ELFN2: variants seen among roughly 807,000 people sequenced by gnomAD.
ELFN2 encodes protein phosphatase 1 regulatory subunit 29.
In ELFN2, 17 loss-of-function variants were observed where a neutral mutation model predicts 45.5. The observed-to-expected ratio is 0.37, with a 90% CI of 0.26 to 0.56. The LOEUF (loss-of-function observed/expected upper bound fraction) is 0.56. ELFN2 is among the 20% of genes least tolerant of loss of function. ELFN2 has a pLI of 0.77. For missense variants in ELFN2, 922 were observed against 1,183.2 expected, an observed-to-expected ratio of 0.78 and a Z score of 3.24; for synonymous variants, 550 against 551.5, an observed-to-expected ratio of 1.00 and a Z score of 0.04.
intron 1 of ELFN2, among the ~76,000 whole-genome samples, chr22:37,419,412 G>A (rs1181290549): frequency 1.1e-4 from 16 of 151,930 alleles, no homozygotes; most frequent in Non-Finnish European, 2.9e-5. Context: ...TCCCACCGCC[G>A]CAGAGAAACG....
intron 2 of ELFN2, among the ~76,000 whole-genome samples, chr22:37,399,116 C>T (rs1393190919): frequency 6.6e-6 from 1 of 152,220 alleles, no homozygotes. Flanking sequence ...GGGATGGGCA[C>T]GTGAGCTTCT....
intron 1 of ELFN2, among the ~76,000 whole-genome samples, chr22:37,360,184 G>A (rs1931049997): frequency 1.3e-5 from 2 of 152,138 alleles, no homozygotes; most frequent in South Asian, 4.1e-4. Flanking sequence ...ACTCCCTGGT[G>A]GTCAGTCCAG....
At chr22:37,400,286 C>A (rs1932330718) in intron 2 of ELFN2, among the ~76,000 whole-genome samples, 1 of 152,118 alleles carries the variant, frequency 6.6e-6, no homozygotes, top group African/African-American at 2.4e-5. Context: ...GGCCGACTCC[C>A]ACTGTGGACA....
At chr22:37,345,468 T>C (rs1266376030) in intron 1 of ELFN2, among the ~76,000 whole-genome samples, 1 of 151,938 alleles carries the variant, frequency 6.6e-6, no homozygotes, top group Non-Finnish European at 1.5e-5. Flanking sequence ...TGGCACACAG[T>C]AGGTGCTCCA....
intron 1 of ELFN2, among the ~76,000 whole-genome samples, chr22:37,426,148 T>A (rs1430951441): frequency 1.3e-5 from 2 of 151,982 alleles, no homozygotes; most frequent in Non-Finnish European, 2.9e-5. Context: ...CCGCAGCTGC[T>A]GGGTGGGAGG....
At position 37,374,392 on chromosome 22, in the gene ELFN2, G is replaced by T; in HGVS notation, c.1143C>A (p.Asp381Glu). 6.2e-7 allele frequency: 1 copy of T among 1,613,946 alleles called. No homozygotes were observed. The highest frequency in any genetic ancestry group is 8.5e-7 in the Non-Finnish European group (1 of 1,179,898). ...TGGGCGCCAAGTCTCCGGGGACGGGGTCCCGCGTGGTGAAGGTCAGGCAGG... is the reference window on the plus strand; with the variant it reads ...TGGGCGCCAAGTCTCCGGGGACGGGTTCCCGCGTGGTGAAGGTCAGGCAGG... The part of the protein sequence containing the change: ...NHTCLTFTTR[D>E]PVPGDLAPST... The change falls in exon 3 of 3, where the codon GAC becomes GAA. Residue 381 changes from aspartate to glutamate, a missense_variant. This residue lies in a region of ELFN2 where 564 missense variants were observed against 642.8 expected (regional missense o/e 0.88). Coordinates refer to ENST00000402918, the MANE Select transcript of ELFN2 (RefSeq NM_052906.5).
rs147561388 is a variant in ELFN2, at chr22:37,362,674, G to A, written n.149-19971C>T. ...AGCTCCTTCCAGCTCTTCTGGGTAT[G>A]CTGTGCTTGCTTGGGCCAATTACTG... is the stretch of plus-strand genomic sequence containing the variant. On this transcript the variant is annotated intron_variant and non_coding_transcript_variant, in intron 1 of 2. Coordinates refer to ENST00000452946, the Ensembl canonical transcript of ELFN2. Among the ~76,000 whole-genome samples, 29 of 152,346 alleles carry A rather than the reference G, an allele frequency of 1.9e-4. No homozygotes were observed. In the East Asian group the frequency reaches 5.2e-3, roughly 27 times the overall value.
At chr22:37,426,230 C>G (rs1932847756) in intron 1 of ELFN2, among the ~76,000 whole-genome samples, 1 of 152,234 alleles carries the variant, frequency 6.6e-6, no homozygotes, top group Non-Finnish European at 1.5e-5. Context: ...TCCTCCCCAG[C>G]TGAGTGCACG....
At chr22:37,378,473 G>A (rs899860963) in intron 2 of ELFN2, among the ~76,000 whole-genome samples, 18 of 152,224 alleles carry the variant, frequency 1.2e-4, no homozygotes, top group Admixed American at 3.9e-4. Flanking sequence ...GAGGCTGAGC[G>A]TGGAGGGGCA....
At chr22:37,397,442 A>G (rs767995502) in intron 2 of ELFN2, among the ~76,000 whole-genome samples, 1 of 152,182 alleles carries the variant, frequency 6.6e-6, no homozygotes, top group Admixed American at 6.5e-5. Flanking sequence ...CAGGCCTCCC[A>G]GCTCCTTCTG....
chr22:37,403,924 A>G (rs370209523), intron 2 of ELFN2, among the ~76,000 whole-genome samples: 16 of 152,258 alleles, frequency 1.1e-4, no homozygotes, highest in East Asian at 7.7e-4. Flanking sequence ...ACTCCCCTCA[A>G]AGGGCTCTTG....
At chr22:37,365,254 C>T (rs192219322), downstream of ELFN2, among the ~76,000 whole-genome samples, 89 of 152,338 alleles carry the variant, frequency 5.8e-4, no homozygotes, top group Middle Eastern at 6.8e-3. Flanking sequence ...AGGCTCACCT[C>T]TGGAAAACAT....
At chr22:37,349,795 G>T (rs1930781880) in intron 1 of ELFN2, among the ~76,000 whole-genome samples, 1 of 151,182 alleles carries the variant, frequency 6.6e-6, no homozygotes, top group African/African-American at 2.4e-5. Flanking sequence ...GGAAGTTAAG[G>T]CTCAGCTTTT....
intron 2 of ELFN2, among the ~76,000 whole-genome samples, chr22:37,388,973 G>T (rs1422522701): frequency 6.6e-6 from 1 of 152,218 alleles, no homozygotes; most frequent in African/African-American, 2.4e-5. Flanking sequence ...ACAGAGAATA[G>T]GAACTCTTTC....
intron 1 of ELFN2, among the ~76,000 whole-genome samples, chr22:37,351,660 C>T (rs985693527): frequency 6.7e-6 from 1 of 150,210 alleles, no homozygotes; most frequent in Non-Finnish European, 1.5e-5. Context: ...TCGAGACCTG[C>T]GTGCTGGCCA....
At chr22:37,384,553 C>G (rs1931884269) in intron 2 of ELFN2, among the ~76,000 whole-genome samples, 1 of 135,394 alleles carries the variant, frequency 7.4e-6, no homozygotes, top group African/African-American at 2.8e-5. Context: ...CACCTCCCCA[C>G]CCCCCACGAC....
rs1932097945 is a variant in ELFN2, at chr22:37,392,010, G to A, written c.-462-16014C>T. The stretch of plus-strand genomic sequence containing the variant: ...TGCCCCACGCACCTGCTGCAAGGAG[G>A]AGGAAAAGGATAACCCACGGGCAAC... On this transcript the variant is annotated intron_variant, in intron 2 of 2. Transcript: ENST00000402918. 3.9e-5 allele frequency among the ~76,000 whole-genome samples: 6 copies of A among 152,354 alleles called. No individual in the cohort carries two copies. The Middle Eastern group carries it at 0.017, about 432-fold the overall frequency.
At chr22:37,346,557 T>C (rs1166047338) in intron 1 of ELFN2, among the ~76,000 whole-genome samples, 1 of 152,126 alleles carries the variant, frequency 6.6e-6, no homozygotes, top group African/African-American at 2.4e-5. Context: ...TACAATTTGG[T>C]TTTTCATTTT....
intron 2 of ELFN2, among the ~76,000 whole-genome samples, chr22:37,406,695 G>T (rs1050903985): frequency 6.6e-6 from 1 of 152,340 alleles, no homozygotes; most frequent in Non-Finnish European, 1.5e-5. Flanking sequence ...CCATCCTCCC[G>T]GGCATTAGGG....
Sources: allele counts gnomAD v4.1 joint callset (sites outside exome capture counted in the v4.1 genomes callset), GRCh38; gene constraint gnomAD v4.1.1; regional missense constraint gnomAD v4.1.1; transcripts MANE v1.5; gene names NCBI Gene and HGNC (gene_info 2026-07-23, HGNC 2026-07-21).